The following CTTNBP2NL variants were observed in gnomAD, a reference collection of about 807,000 sequenced individuals.
CTTNBP2NL encodes the protein CTTNBP2 N-terminal-like protein.
In CTTNBP2NL, 16 loss-of-function variants were observed where a neutral mutation model predicts 32.5. The observed-to-expected ratio is 0.49, with a 90% CI of 0.33 to 0.75. The LOEUF (loss-of-function observed/expected upper bound fraction) is 0.75, where lower values mean the gene tolerates loss of function less well. Among genes scored for constraint, CTTNBP2NL ranks in the 30% least tolerant of loss-of-function variants. CTTNBP2NL has a pLI of 0.02. For synonymous variants in CTTNBP2NL, 298 were observed against 289.4 expected, an observed-to-expected ratio of 1.03 and a Z score of -0.30; for missense variants, 645 against 756.0, an observed-to-expected ratio of 0.85 and a Z score of 1.72.
At chr1:112,399,448 C>T (rs952371381) in intron 1 of CTTNBP2NL, among the ~76,000 whole-genome samples, 21 of 151,542 alleles carry the variant, frequency 1.4e-4, no homozygotes, top group African/African-American at 3.9e-4. Context: ...AAAATAGGAA[C>T]GGAGCACAGA....
Position 112,457,028 on chromosome 1 carries a change from C to T in CTTNBP2NL, c.1536C>T (p.Phe512=). 6.8e-6 allele frequency: 11 copies of T among 1,614,154 alleles called. No homozygotes were observed. The highest frequency in any genetic ancestry group is 9.3e-6 in the Non-Finnish European group (11 of 1,180,012). The change falls in exon 6 of 6, where the codon TTC becomes TTT. Residue 512 remains phenylalanine (F), a synonymous_variant. Transcript: ENST00000271277. ...CAGTCACTCAGGTGCTCTCCAGATT[C>T]ACTAGCCAACAAGGGCCAATCAAGC... The part of the protein sequence containing the change: ...RNTVTQVLSR[F]TSQQGPIKPV...
chr1:112,413,033 GA>G (rs1220840197), intron 2 of CTTNBP2NL, among the ~76,000 whole-genome samples: 1 of 152,152 alleles, frequency 6.6e-6, no homozygotes, highest in Non-Finnish European at 1.5e-5. Context: ...ACAAGGAATA[GA>G]ACTTTTTCTT....
chr1:112,414,744 T>C (rs1173668089), intron 2 of CTTNBP2NL: 1 of 152,232 alleles, frequency 6.6e-6, no homozygotes, highest in Non-Finnish European at 1.5e-5. Flanking sequence ...ACTTGTATCT[T>C]TATGTGGTTT....
chr1:112,405,120 C>T (rs1328797750), intron 1 of CTTNBP2NL, among the ~76,000 whole-genome samples: 1 of 152,154 alleles, frequency 6.6e-6, no homozygotes, highest in Non-Finnish European at 1.5e-5. Context: ...TAATAATATT[C>T]TGATGTTAAA....
At chr1:112,402,184 T>A (rs935636432) in intron 1 of CTTNBP2NL, among the ~76,000 whole-genome samples, 1 of 151,958 alleles carries the variant, frequency 6.6e-6, no homozygotes, top group Non-Finnish European at 1.5e-5. Flanking sequence ...TTTGGGAGGC[T>A]GAGGCAGGTG....
chr1:112,428,679 A>G (rs1010249493), intron 3 of CTTNBP2NL, among the ~76,000 whole-genome samples: 1 of 152,186 alleles, frequency 6.6e-6, no homozygotes, highest in Non-Finnish European at 1.5e-5. Flanking sequence ...CCATATACGT[A>G]TATTAACTAA....
At chr1:112,404,504 A>G (rs1479045278) in intron 1 of CTTNBP2NL, among the ~76,000 whole-genome samples, 2 of 152,196 alleles carry the variant, frequency 1.3e-5, no homozygotes, top group Admixed American at 6.5e-5. Flanking sequence ...TCATCATCCT[A>G]CATTAGCATT....
intron 3 of CTTNBP2NL, among the ~76,000 whole-genome samples, chr1:112,429,230 C>A (rs994753577): frequency 6.6e-6 from 1 of 152,174 alleles, no homozygotes; most frequent in Admixed American, 6.5e-5. Flanking sequence ...ACTATGGGAT[C>A]TGACCATAAG....
At chr1:112,408,667 GCA>G (rs1224107568) in intron 1 of CTTNBP2NL, among the ~76,000 whole-genome samples, 1 of 151,870 alleles carries the variant, frequency 6.6e-6, no homozygotes, top group African/African-American at 2.4e-5. Context: ...TGTAAATGTG[GCA>G]AGTTTCTTTT....
intron 3 of CTTNBP2NL, among the ~76,000 whole-genome samples, chr1:112,437,641 A>C (rs1649774352): frequency 6.6e-6 from 1 of 152,128 alleles, no homozygotes; most frequent in Non-Finnish European, 1.5e-5. Context: ...CTCCTGCCTC[A>C]GCCTCCCAAG....
chr1:112,439,925 C>A (rs962643130), intron 3 of CTTNBP2NL, among the ~76,000 whole-genome samples: 1 of 152,182 alleles, frequency 6.6e-6, no homozygotes, highest in Non-Finnish European at 1.5e-5. Context: ...ACTTGGTGTT[C>A]CTCTAAACAT....
intron 3 of CTTNBP2NL, 49 bp from the exon 4 acceptor site, chr1:112,448,893 C>A: frequency 1.9e-6 from 2 of 1,058,328 alleles, no homozygotes; most frequent in Non-Finnish European, 2.9e-6. Context: ...ATCCCCCTTC[C>A]TCAGTAGTTT....
chr1:112,413,665 GTTTTTA>G (rs890760552), intron 2 of CTTNBP2NL, among the ~76,000 whole-genome samples: 1 of 152,060 alleles, frequency 6.6e-6, no homozygotes, highest in African/African-American at 2.4e-5. Flanking sequence ...TTTTGTTTTA[GTTTTTA>G]TTTTTATTTT....
At position 112,422,247 on chromosome 1, in the gene CTTNBP2NL, A is replaced by G. The variant is rs569196449; in HGVS notation, c.99+5983A>G. 4.1e-4 allele frequency among the ~76,000 whole-genome samples: 62 copies of G among 151,982 alleles called. No individual in the cohort carries two copies. In the South Asian group the frequency reaches 0.012, roughly 31 times the overall value. ...AGTGGAATCATATGGAATATACTCT[A>G]TTTTTTCCTGGCTTCTTTCACTCAG... is the stretch of plus-strand genomic sequence containing the variant. On this transcript the variant is annotated intron_variant, in intron 3 of 5. Transcript: ENST00000271277.
intron 3 of CTTNBP2NL, among the ~76,000 whole-genome samples, chr1:112,436,296 G>C (rs556454819): frequency 1.6e-4 from 25 of 152,246 alleles, no homozygotes; most frequent in African/African-American, 5.8e-4. Context: ...ATCATTAAAG[G>C]AGGAAGGTGC....
intron 3 of CTTNBP2NL, among the ~76,000 whole-genome samples, chr1:112,419,421 C>CA (rs1649160150): frequency 6.6e-6 from 1 of 151,884 alleles, no homozygotes; most frequent in Admixed American, 6.6e-5. Flanking sequence ...ATGACAGTGC[C>CA]AAAATATAGA....
At position 112,456,378 on chromosome 1, in the gene CTTNBP2NL, G is replaced by C. The variant is rs1175640; in HGVS notation, c.886G>C (p.Val296Leu). ...TGAGCAATTGAAGAAACCAGTAACC[G>C]TGTCCAAAGGCACAGCAACTGAGCC... ...PNEQLKKPVT[V>L]SKGTATEPLM... is the part of the protein sequence containing the mutation. Residue 296 changes from valine to leucine, a missense_variant, in exon 6 of 6, where the codon GTG (valine) becomes CTG (leucine). Physicochemically the swap from Val to Leu is conservative, Grantham distance 32. Transcript: ENST00000271277. 1 of 1,614,000 alleles carries C rather than the reference G, an allele frequency of 6.2e-7. No homozygotes were observed. Among genetic ancestry groups the C allele is most frequent in the Non-Finnish European group, 8.5e-7 (1 of 1,180,022 alleles).
chr1:112,446,464 A>G (rs1365859011), intron 3 of CTTNBP2NL, among the ~76,000 whole-genome samples: 1 of 152,234 alleles, frequency 6.6e-6, no homozygotes, highest in Non-Finnish European at 1.5e-5. Context: ...AAACATGGTA[A>G]AAGGGAAACA....
intron 4 of CTTNBP2NL, 53 bp downstream of exon 4, chr1:112,449,225 G>C: frequency 9.5e-7 from 1 of 1,054,390 alleles, no homozygotes; most frequent in East Asian, 2.5e-5. Flanking sequence ...TATAAATTAT[G>C]CCTGATACTT....
Sources: allele counts gnomAD v4.1 joint callset (sites outside exome capture counted in the v4.1 genomes callset), GRCh38; gene constraint gnomAD v4.1.1; transcripts MANE v1.5; gene names NCBI Gene and HGNC (gene_info 2026-07-23, HGNC 2026-07-21).